The following GRID2 variants were observed in gnomAD, a reference collection of about 807,000 sequenced individuals.
The protein encoded by GRID2 is glutamate ionotropic receptor delta type subunit 2.
A neutral mutation model predicts 114.8 loss-of-function variants in GRID2; 33 were observed. That is an observed-to-expected ratio of 0.29 (90% CI 0.22 to 0.38). GRID2 has a LOEUF of 0.38. Among genes scored for constraint, GRID2 ranks in the 10% least tolerant of loss-of-function variants. GRID2 has a pLI of 1.00. For synonymous variants in GRID2, 505 were observed against 449.9 expected, an observed-to-expected ratio of 1.12 and a Z score of -1.55; for missense variants, 1,184 against 1,257.7, an observed-to-expected ratio of 0.94 and a Z score of 0.89.
chr4:93,461,004 T>A (rs1416633583), intron 11 of GRID2, among the ~76,000 whole-genome samples: 1 of 152,154 alleles, frequency 6.6e-6, no homozygotes, highest in Admixed American at 6.5e-5. Context: ...TCAATAAGTT[T>A]TGGAGCACAC....
At chr4:93,540,057 T>G (rs560078908) in intron 13 of GRID2, among the ~76,000 whole-genome samples, 47 of 152,096 alleles carry the variant, frequency 3.1e-4, no homozygotes, top group African/African-American at 4.1e-4. Context: ...GCCTTCTGAT[T>G]GATTCTTTCT....
intron 1 of GRID2, among the ~76,000 whole-genome samples, chr4:92,449,676 GATATATATATATATATATATATAT>G (rs371209786): frequency 4.1e-5 from 4 of 96,764 alleles, no homozygotes; most frequent in Admixed American, 1.1e-4. Flanking sequence ...TTTTCTTACT[GATATATATATATATATATATATAT>G]ATATATATAT....
chr4:93,273,487 C>T (rs1196425400), intron 8 of GRID2, among the ~76,000 whole-genome samples: 2 of 152,072 alleles, frequency 1.3e-5, no homozygotes, highest in South Asian at 2.1e-4. Context: ...TATCCATGCC[C>T]CAATCCTCCA....
chr4:92,743,443 A>G (rs1169579799), intron 2 of GRID2, among the ~76,000 whole-genome samples: 1 of 152,236 alleles, frequency 6.6e-6, no homozygotes, highest in Non-Finnish European at 1.5e-5. Flanking sequence ...TAACTAGAAA[A>G]TAGATTCTAT....
At chr4:92,534,448 G>A (rs74541275) in intron 1 of GRID2, among the ~76,000 whole-genome samples, 2,157 of 152,192 alleles carry the variant, frequency 0.014, 48 homozygotes, top group African/African-American at 0.049. Context: ...ATTATAGGTG[G>A]TTGTAGAGTT....
At chr4:92,394,889 T>C (rs1282761211) in intron 1 of GRID2, among the ~76,000 whole-genome samples, 2 of 151,746 alleles carry the variant, frequency 1.3e-5, no homozygotes, top group African/African-American at 4.8e-5. Flanking sequence ...AATTTTGTTA[T>C]TTTATATTTG....
chr4:93,360,191 C>T (rs1761757840), intron 8 of GRID2, among the ~76,000 whole-genome samples: 1 of 151,540 alleles, frequency 6.6e-6, no homozygotes, highest in Admixed American at 6.6e-5. Flanking sequence ...TTCATTTTAC[C>T]AATGTTTTAA....
intron 2 of GRID2, among the ~76,000 whole-genome samples, chr4:92,663,630 T>G (rs1461616355): frequency 6.6e-6 from 1 of 151,198 alleles, no homozygotes; most frequent in African/African-American, 2.4e-5. Context: ...CCAATTCTTA[T>G]TTTGGTAAGT....
chr4:92,452,667 T>C (rs1048443059), intron 1 of GRID2, among the ~76,000 whole-genome samples: 12 of 151,910 alleles, frequency 7.9e-5, no homozygotes, highest in African/African-American at 2.2e-4. Flanking sequence ...AAGTTTTCTG[T>C]GCTATTTTAA....
chr4:92,769,754 G>A (rs1351816689), intron 2 of GRID2, among the ~76,000 whole-genome samples: 2 of 152,124 alleles, frequency 1.3e-5, no homozygotes, highest in Non-Finnish European at 2.9e-5. Flanking sequence ...AGTCACAGCT[G>A]GAGTGACTGG....
At chr4:93,565,137 C>A (rs1735283414) in intron 13 of GRID2, among the ~76,000 whole-genome samples, 2 of 151,754 alleles carry the variant, frequency 1.3e-5, no homozygotes, top group Admixed American at 6.6e-5. Flanking sequence ...CATAAATGAT[C>A]TCTTAAAAGT....
At chr4:93,221,528 G>T (rs558949434) in intron 6 of GRID2, among the ~76,000 whole-genome samples, 2 of 152,208 alleles carry the variant, frequency 1.3e-5, no homozygotes, top group East Asian at 1.9e-4. Flanking sequence ...CATTTGTGTT[G>T]GTTGAGGCCT....
At chr4:93,342,862 T>C (rs1458360716) in intron 8 of GRID2, among the ~76,000 whole-genome samples, 3 of 152,140 alleles carry the variant, frequency 2.0e-5, no homozygotes, top group Non-Finnish European at 1.5e-5. Flanking sequence ...TTGCTTGAAA[T>C]TGGAAGCATT....
At chr4:93,201,272 T>C (rs1225100754) in intron 4 of GRID2, among the ~76,000 whole-genome samples, 2 of 152,242 alleles carry the variant, frequency 1.3e-5, no homozygotes, top group East Asian at 3.8e-4. Flanking sequence ...CCAATATTTC[T>C]AAATCTACTT....
At chr4:92,877,628 A>G (rs1452496020) in intron 2 of GRID2, among the ~76,000 whole-genome samples, 2 of 152,184 alleles carry the variant, frequency 1.3e-5, no homozygotes, top group Non-Finnish European at 2.9e-5. Flanking sequence ...TTCTACAGTC[A>G]GCATAACCAG....
intron 4 of GRID2, among the ~76,000 whole-genome samples, chr4:93,153,369 T>G (rs1292509080): frequency 6.6e-6 from 1 of 152,228 alleles, no homozygotes; most frequent in East Asian, 1.9e-4. Flanking sequence ...ATCAGGTAAT[T>G]TGAGTACTGA....
intron 8 of GRID2, among the ~76,000 whole-genome samples, chr4:93,336,761 C>T (rs1759135883): frequency 6.6e-6 from 1 of 152,198 alleles, no homozygotes; most frequent in African/African-American, 2.4e-5. Context: ...TTTACTTTCC[C>T]CCTGAAATAT....
chr4:93,671,977 A>G lies in GRID2; in HGVS notation c.2360+45542A>G, dbSNP rs142990177. Among the ~76,000 whole-genome samples, 362 of 151,918 alleles carry G rather than the reference A, an allele frequency of 2.4e-3. 3 individuals are homozygous for G. Among genetic ancestry groups the G allele is most frequent in the African/African-American group, 8.4e-3 (349 of 41,382 alleles). On this transcript the variant is annotated intron_variant, in intron 14 of 15. Transcript: ENST00000282020. ...GTGACAGAGCAAGACTCTGTCTCAA[A>G]AAATAATAATGATAAAATAAAAAAA... is the stretch of plus-strand genomic sequence containing the variant.
intron 7 of GRID2, among the ~76,000 whole-genome samples, chr4:93,229,816 A>G (rs142324310): frequency 9.9e-4 from 151 of 152,186 alleles, no homozygotes; most frequent in African/African-American, 2.7e-3. Flanking sequence ...TCTGTTTCTC[A>G]GGTACTCTTG....
Sources: gnomAD v4.1 joint callset for allele counts (sites outside exome capture counted in the v4.1 genomes callset) on GRCh38, gnomAD v4.1.1 for gene constraint, MANE v1.5 for transcripts, NCBI Gene and HGNC (gene_info 2026-07-23, HGNC 2026-07-21) for gene names.